RABGAP1: variants seen among roughly 807,000 people sequenced by gnomAD.
The protein encoded by RABGAP1 is RAB GTPase activating protein 1, also known as rab GTPase-activating protein 1.
Under a neutral mutation model 137.6 loss-of-function variants are expected in RABGAP1, and 23 were observed. That is an observed-to-expected ratio of 0.17 (90% CI 0.12 to 0.24). RABGAP1 has a LOEUF of 0.24. Ranked by LOEUF, RABGAP1 falls within the 10% of genes least tolerant of loss-of-function variation. The probability of loss-of-function intolerance (pLI) is 1.00; values close to 1 mark genes in which losing one functional copy is unlikely to be tolerated. For missense variants in RABGAP1, 906 were observed against 1,275.8 expected, an observed-to-expected ratio of 0.71 and a Z score of 4.42; for synonymous variants, 451 against 450.7, an observed-to-expected ratio of 1.00 and a Z score of -0.01.
At chr9:123,098,658 C>T in intron 22 of RABGAP1, 57 bp from the exon 23 acceptor site, 2 of 1,507,596 alleles carry the variant, frequency 1.3e-6, no homozygotes, top group Non-Finnish European at 1.8e-6. Flanking sequence ...CGGTTGGTGG[C>T]AGAACTTCCT....
At chr9:123,047,442 G>T (rs193080556) in intron 13 of RABGAP1, among the ~76,000 whole-genome samples, 1 of 152,248 alleles carries the variant, frequency 6.6e-6, no homozygotes, top group South Asian at 2.1e-4. Context: ...TTAATTCTAG[G>T]AGAGTCCTTT....
At chr9:122,958,172 T>C (rs1834637901) in intron 2 of RABGAP1, among the ~76,000 whole-genome samples, 1 of 152,174 alleles carries the variant, frequency 6.6e-6, no homozygotes, top group East Asian at 1.9e-4. Flanking sequence ...AGGGCAGCAG[T>C]GGCAAACAGT....
chr9:123,056,216 C>A (rs1027111336), intron 13 of RABGAP1, among the ~76,000 whole-genome samples: 1 of 152,208 alleles, frequency 6.6e-6, no homozygotes, highest in African/African-American at 2.4e-5. Flanking sequence ...ATGGTAATAT[C>A]TTTTTAAATG....
At chr9:123,036,856 G>T (rs59807091) in intron 13 of RABGAP1, among the ~76,000 whole-genome samples, 6,366 of 151,588 alleles carry the variant, frequency 0.042, 403 homozygotes, top group African/African-American at 0.14. Context: ...AAAACCTATA[G>T]GATTTTATAA....
intron 2 of RABGAP1, among the ~76,000 whole-genome samples, chr9:122,959,790 T>A (rs773253131): frequency 9.9e-5 from 15 of 152,170 alleles, no homozygotes; most frequent in Non-Finnish European, 1.9e-4. Flanking sequence ...TCATCCTGCT[T>A]CCCCATGCCT....
rs59639446 is a variant in RABGAP1, at chr9:123,047,919, G to GTTTTTTTTTTTTTTTTTTTTTTTTTTT, written c.1795-17419_1795-17393dup. Among the ~76,000 whole-genome samples the GTTTTTTTTTTTTTTTTTTTTTTTTTTT allele has an allele frequency of 4.8e-5, 3 of 62,282 alleles. 1 individual carries two copies. Among genetic ancestry groups the GTTTTTTTTTTTTTTTTTTTTTTTTTTT allele is most frequent in the Non-Finnish European group, 1.1e-4 (3 of 28,026 alleles). The allele number at this position is 62,282 out of a possible 152,430, so 40.9% of individuals were successfully genotyped here. ...TATCTAGCCATTTTACAGCTGCTGG[G>GTTTTTTTTTTTTTTTTTTTTTTTTTTT]TTTTTTTTTTTTTTTTTTTTTTTTT... On this transcript the variant is annotated intron_variant, in intron 13 of 25. Transcript: ENST00000373647.
chr9:123,098,626 T>A (rs2035253447), intron 22 of RABGAP1, 89 bp from the exon 23 acceptor site: 1 of 1,126,258 alleles, frequency 8.9e-7, no homozygotes, highest in African/African-American at 1.6e-5. Context: ...GTTCAGCAGT[T>A]TTTGGGAAGC....
chr9:122,996,246 A>G (rs1417711068), intron 7 of RABGAP1, 95 bp downstream of exon 7: 3 of 1,453,322 alleles, frequency 2.1e-6, no homozygotes, highest in East Asian at 2.5e-5. Context: ...TGTATTTCCA[A>G]AGAATTTTGT....
rs975223025 is a variant in RABGAP1, at chr9:123,104,456, A to T, written c.*1243A>T. ...ACTTTGACTTTTAATTTATATAGTG[A>T]TATGCTGACAGGCTGACACGCAGAT... On this transcript the variant is annotated 3_prime_UTR_variant, in exon 26 of 26. Coordinates refer to ENST00000373647, the MANE Select transcript of RABGAP1 (RefSeq NM_012197.4). 2 of 152,040 alleles carry T rather than the reference A, an allele frequency of 1.3e-5. No individual in the cohort carries two copies. Among genetic ancestry groups the T allele is most frequent in the Non-Finnish European group, 2.9e-5 (2 of 67,954 alleles). The allele number at this position is 152,040 out of a possible 1,614,324, so 9.4% of individuals were successfully genotyped here. A position where few individuals can be genotyped will look rare whatever the true frequency, so the allele number is the denominator to read the frequency against.
At chr9:123,015,101 A>G (rs1440040279) in intron 11 of RABGAP1, among the ~76,000 whole-genome samples, 1 of 152,174 alleles carries the variant, frequency 6.6e-6, no homozygotes, top group East Asian at 1.9e-4. Flanking sequence ...TCAACATGCA[A>G]TTGCATTATA....
chr9:123,075,839 G>T (rs868180453), intron 17 of RABGAP1, among the ~76,000 whole-genome samples: 1 of 152,156 alleles, frequency 6.6e-6, no homozygotes, highest in Non-Finnish European at 1.5e-5. Context: ...GGAGCCTTGA[G>T]CAGATTCAGT....
At chr9:122,964,026 T>A (rs548088566) in intron 2 of RABGAP1, among the ~76,000 whole-genome samples, 23 of 152,236 alleles carry the variant, frequency 1.5e-4, no homozygotes, top group Non-Finnish European at 2.9e-4. Context: ...CTAACAAAAC[T>A]GATAAAATAG....
chr9:123,052,883 T>C (rs975219678), intron 13 of RABGAP1, among the ~76,000 whole-genome samples: 5 of 152,236 alleles, frequency 3.3e-5, no homozygotes, highest in African/African-American at 9.6e-5. Flanking sequence ...GAGGTTGCAG[T>C]GAGCCAAGAT....
chr9:123,085,758 G>A (rs1342918218), intron 19 of RABGAP1, among the ~76,000 whole-genome samples: 2 of 152,168 alleles, frequency 1.3e-5, no homozygotes, highest in Non-Finnish European at 2.9e-5. Context: ...TGTGTGAAAC[G>A]CGTTAGGAAT....
intron 13 of RABGAP1, among the ~76,000 whole-genome samples, chr9:123,063,664 C>T (rs1440529425): frequency 6.6e-6 from 1 of 152,212 alleles, no homozygotes; most frequent in African/African-American, 2.4e-5. Flanking sequence ...GCTTATTTGC[C>T]ATGTGTTATA....
chr9:123,075,709 A>C (rs2034488267), intron 17 of RABGAP1, among the ~76,000 whole-genome samples: 1 of 152,178 alleles, frequency 6.6e-6, no homozygotes, highest in African/African-American at 2.4e-5. Flanking sequence ...ATCTCAGAAA[A>C]CCCATAGGAG....
chr9:123,087,822 A>C (rs914585097), intron 19 of RABGAP1, among the ~76,000 whole-genome samples: 1 of 152,166 alleles, frequency 6.6e-6, no homozygotes, highest in Non-Finnish European at 1.5e-5. Context: ...TCTCCCACTG[A>C]GAGCGTCTGG....
chr9:123,068,348 C>CAAAA (rs998962006), intron 14 of RABGAP1, among the ~76,000 whole-genome samples: 1 of 66,530 alleles, frequency 1.5e-5, no homozygotes, highest in African/African-American at 3.8e-5. Context: ...GACTCCATCT[C>CAAAA]AAAAAAAAAA....
At chr9:123,002,521 A>T (rs1837377497) in intron 10 of RABGAP1, among the ~76,000 whole-genome samples, 1 of 151,594 alleles carries the variant, frequency 6.6e-6, no homozygotes, top group South Asian at 2.1e-4. Context: ...TTTCCTTTTG[A>T]CATCTAATGT....
Sources: gnomAD v4.1 joint callset for allele counts (sites outside exome capture counted in the v4.1 genomes callset) on GRCh38, gnomAD v4.1.1 for gene constraint, MANE v1.5 for transcripts, NCBI Gene and HGNC (gene_info 2026-07-23, HGNC 2026-07-21) for gene names.